NFIA: variants seen among roughly 807,000 people sequenced by gnomAD.
NFIA encodes the protein nuclear factor I A.
A neutral mutation model predicts 62.8 loss-of-function variants in NFIA; 8 were observed. The observed-to-expected ratio is 0.13, with a 90% CI of 0.07 to 0.23. NFIA has a LOEUF of 0.23. NFIA is among the 10% of genes least tolerant of loss of function. The probability of loss-of-function intolerance (pLI) is 1.00; values close to 1 mark genes in which losing one functional copy is unlikely to be tolerated. For synonymous variants in NFIA, 235 were observed against 238.1 expected (o/e 0.99, Z 0.12); for missense variants, 410 against 642.1 (o/e 0.64, Z 3.91).
At chr1:61,361,099 G>A (rs1451644855) in intron 6 of NFIA, among the ~76,000 whole-genome samples, 1 of 152,178 alleles carries the variant, frequency 6.6e-6, no homozygotes, top group Non-Finnish European at 1.5e-5. Flanking sequence ...TATGGGAAGC[G>A]CAGAGATGGT....
rs1553180845 is a variant in NFIA at position 61,387,477 on chromosome 1, T to TTTTGTTTG, written c.1075+4115_1075+4116insGTTTGTTT. On this transcript the variant is annotated intron_variant, in intron 7 of 10. Coordinates refer to ENST00000403491, the MANE Select transcript of NFIA (RefSeq NM_001134673.4). ...TCAGCTCAAGCACTTTCTTTTTTTT[T>TTTTGTTTG]TTTTTTTTTTTTTTGAGACGGAGTC... Among the ~76,000 whole-genome samples the TTTTGTTTG allele has an allele frequency of 8.9e-4, 116 of 130,704 alleles. 1 individual carries two copies. The highest frequency in any genetic ancestry group is 1.9e-3 in the South Asian group (7 of 3,642). The allele number at this position is 130,704 out of a possible 152,430, so 85.7% of individuals were successfully genotyped here. A position where few individuals can be genotyped will look rare whatever the true frequency, so the allele number is the denominator to read the frequency against.
In NFIA at chr1:61,461,286, A is replaced by G. The variant is rs1017848587; in HGVS notation, c.*5966A>G. On this transcript the variant is annotated 3_prime_UTR_variant, in exon 11 of 11. Transcript: ENST00000403491. ...AGACCTCCTCATATTAAAAGGAAAAATAAGAAAAAAAATGTAAGAAATCAC... is the reference window on the plus strand; with the variant it reads ...AGACCTCCTCATATTAAAAGGAAAAGTAAGAAAAAAAATGTAAGAAATCAC... 3 of 152,210 alleles carry G rather than the reference A, an allele frequency of 2.0e-5. No homozygotes were observed. Among genetic ancestry groups the G allele is most frequent in the Admixed American group, 1.3e-4 (2 of 15,286 alleles). 9.4% of individuals were successfully genotyped at this position (152,210 alleles called of 1,614,324 possible). A position where few individuals can be genotyped will look rare whatever the true frequency, so the allele number is the denominator to read the frequency against.
intron 5 of NFIA, among the ~76,000 whole-genome samples, chr1:61,353,094 C>G (rs1359469145): frequency 3.3e-5 from 5 of 152,066 alleles, no homozygotes; most frequent in African/African-American, 1.2e-4. Context: ...ATGCCCACAG[C>G]AGACATTACA....
intron 2 of NFIA, among the ~76,000 whole-genome samples, chr1:61,181,698 A>G (rs1320467209): frequency 1.3e-5 from 2 of 152,168 alleles, no homozygotes. Context: ...TGTCTTGATA[A>G]TTTCATTGCA....
intron 2 of NFIA, among the ~76,000 whole-genome samples, chr1:61,190,143 C>G (rs1651519389): frequency 6.6e-6 from 1 of 152,158 alleles, no homozygotes; most frequent in Non-Finnish European, 1.5e-5. Flanking sequence ...CACACTACCT[C>G]TTTAGAGAGG....
At chr1:61,390,265 T>G (rs931868923) in intron 7 of NFIA, among the ~76,000 whole-genome samples, 1 of 151,976 alleles carries the variant, frequency 6.6e-6, no homozygotes, top group Non-Finnish European at 1.5e-5. Context: ...CTTAGATAAC[T>G]AAGTACCAAA....
chr1:61,077,591 T>G, upstream of NFIA: 1 of 1,375,154 alleles, frequency 7.3e-7, no homozygotes, highest in Non-Finnish European at 9.6e-7. Context: ...CGTCTGAGCA[T>G]TTTAAAGTTT....
chr1:61,242,596 C>CT (rs765393955), intron 2 of NFIA, among the ~76,000 whole-genome samples: 21 of 152,064 alleles, frequency 1.4e-4, no homozygotes, highest in Non-Finnish European at 1.6e-4. Flanking sequence ...TGAAATTTTT[C>CT]TGTGTGATCC....
At chr1:61,082,936 G>A in intron 1 of NFIA, 118 bp downstream of exon 1, 1 of 992,994 alleles carries the variant, frequency 1.0e-6, no homozygotes. Context: ...GCGTCTCGGT[G>A]TGTGTCTGTG....
chr1:61,217,777 A>T (rs369906693), intron 2 of NFIA, among the ~76,000 whole-genome samples: 41 of 152,334 alleles, frequency 2.7e-4, no homozygotes, highest in African/African-American at 9.9e-4. Flanking sequence ...ATAAACTCTT[A>T]AATGTAACAG....
At chr1:61,347,395 G>A (rs937194570) in intron 4 of NFIA, among the ~76,000 whole-genome samples, 20 of 151,622 alleles carry the variant, frequency 1.3e-4, no homozygotes, top group Non-Finnish European at 2.1e-4. Flanking sequence ...GGATGGTCTC[G>A]ATCTCCTGAC....
intron 2 of NFIA, among the ~76,000 whole-genome samples, chr1:61,184,934 ACTT>A (rs1215231958): frequency 1.3e-5 from 2 of 152,354 alleles, no homozygotes; most frequent in Non-Finnish European, 2.9e-5. Flanking sequence ...CTCTGACTTG[ACTT>A]ACATTCTTTT....
intron 2 of NFIA, among the ~76,000 whole-genome samples, chr1:61,098,023 T>C (rs897871092): frequency 1.3e-5 from 2 of 152,140 alleles, no homozygotes; most frequent in African/African-American, 4.8e-5. Flanking sequence ...TTTTTAACAT[T>C]CCAAATGAAT....
Position 61,460,996 on chromosome 1 carries a change from G to A in NFIA, c.*5676G>A, listed in dbSNP as rs1386645397. 3 of 152,062 alleles carry A rather than the reference G, an allele frequency of 2.0e-5. No individual in the cohort carries two copies. Among genetic ancestry groups the A allele is most frequent in the Non-Finnish European group, 2.9e-5 (2 of 68,004 alleles). The allele number at this position is 152,062 out of a possible 1,614,324, so 9.4% of individuals were successfully genotyped here. A position where few individuals can be genotyped will look rare whatever the true frequency, so the allele number is the denominator to read the frequency against. On this transcript the variant is annotated 3_prime_UTR_variant, in exon 11 of 11. Transcript: ENST00000403491. ...CATTTACTTAAATTCAGTATTACTC[G>A]TGTTTTGTTTTTGTTTTTGTTTTTT...
intron 3 of NFIA, among the ~76,000 whole-genome samples, chr1:61,305,801 C>T (rs183621846): frequency 6.6e-6 from 1 of 151,348 alleles, no homozygotes; most frequent in African/African-American, 2.4e-5. Context: ...AGCCTAGCTC[C>T]AAAGGATTGC....
At chr1:61,453,478 T>G (rs967654635) in intron 10 of NFIA, among the ~76,000 whole-genome samples, 7 of 150,450 alleles carry the variant, frequency 4.7e-5, no homozygotes, top group African/African-American at 7.4e-5. Context: ...GCTTTGCTTT[T>G]TAAGAGAAGT....
At chr1:61,173,641 C>T (rs758809353) in intron 2 of NFIA, among the ~76,000 whole-genome samples, 7 of 152,126 alleles carry the variant, frequency 4.6e-5, no homozygotes, top group East Asian at 1.9e-4. Context: ...CCACCTGCCT[C>T]GGCCTCCCAA....
intron 9 of NFIA, among the ~76,000 whole-genome samples, chr1:61,424,941 G>A (rs759944803): frequency 1.3e-5 from 2 of 152,208 alleles, no homozygotes; most frequent in Non-Finnish European, 2.9e-5. Flanking sequence ...GTCTGGCATA[G>A]CATGGGCTAG....
At chr1:61,376,404 A>G (rs1664150412) in intron 6 of NFIA, among the ~76,000 whole-genome samples, 1 of 152,150 alleles carries the variant, frequency 6.6e-6, no homozygotes, top group Admixed American at 6.6e-5. Context: ...TAAATATAAA[A>G]CATTTATATA....
Sources: allele counts gnomAD v4.1 joint callset (sites outside exome capture counted in the v4.1 genomes callset), GRCh38; gene constraint gnomAD v4.1.1; transcripts MANE v1.5; gene names NCBI Gene and HGNC (gene_info 2026-07-23, HGNC 2026-07-21).